The following TP53BP1 variants were observed in gnomAD, a reference collection of about 807,000 sequenced individuals.
TP53BP1 encodes tumor protein p53 binding protein 1.
In TP53BP1, 61 loss-of-function variants were observed where a neutral mutation model predicts 200.8. The observed-to-expected ratio is 0.30, with a 90% CI of 0.25 to 0.38. TP53BP1 has a LOEUF of 0.38. Among genes scored for constraint, TP53BP1 ranks in the 10% least tolerant of loss-of-function variants. The pLI is 1.00. For missense variants in TP53BP1, 2,144 were observed against 2,371.9 expected (o/e 0.90, Z 2.00); for synonymous variants, 822 against 844.3 (o/e 0.97, Z 0.46).
chr15:43,404,936 C>CT lies in TP53BP1; in HGVS notation c.*2446dup, dbSNP rs2044814666. 3.7e-6 allele frequency: 2 copies of CT among 534,404 alleles called. No homozygotes were observed. Among genetic ancestry groups the CT allele is most frequent in the Admixed American group, 3.5e-5 (1 of 28,470 alleles). 33.1% of individuals were successfully genotyped at this position (534,404 alleles called of 1,614,324 possible). A position where few individuals can be genotyped will look rare whatever the true frequency, so the allele number is the denominator to read the frequency against. ...GGCGACCACCCCTTCTAACTCTAAA[C>CT]TTTAAAAAAAACTGATACCGAGATT... On this transcript the variant is annotated 3_prime_UTR_variant, in exon 28 of 28. Coordinates refer to ENST00000382044, the MANE Select transcript of TP53BP1 (RefSeq NM_001141980.3).
chr15:43,473,071 C>T (rs995374086), intron 10 of TP53BP1, among the ~76,000 whole-genome samples: 1 of 152,022 alleles, frequency 6.6e-6, no homozygotes, highest in Non-Finnish European at 1.5e-5. Context: ...CTTAAGGCAG[C>T]GCGTCTAGAG....
chr15:43,413,238 A>G lies in TP53BP1; in HGVS notation c.5186T>C (p.Leu1729Pro). ...GTAGCCCAGAAACAAGGTCTTGTTG[A>G]GAGGCAAAGGCCCTCTCTGCTCTTC... ...ALEEQRGPLPLNKTLFLGYAF... is the reference protein window; with the variant it reads ...ALEEQRGPLPPNKTLFLGYAF... Residue 1729 changes from leucine to proline, a missense_variant, in exon 24 of 28, where the codon CTC (leucine) becomes CCC (proline). Leu to Pro is a moderately conservative substitution (Grantham distance 98, BLOSUM62 -3). Coordinates refer to ENST00000382044, the MANE Select transcript of TP53BP1 (RefSeq NM_001141980.3). 1 of 1,614,202 alleles carries G rather than the reference A, an allele frequency of 6.2e-7. No homozygotes were observed. Among genetic ancestry groups the G allele is most frequent in the East Asian group, 2.2e-5 (1 of 44,878 alleles).
intron 1 of TP53BP1, among the ~76,000 whole-genome samples, chr15:43,503,325 T>A (rs144707513): frequency 2.3e-4 from 35 of 152,346 alleles, no homozygotes; most frequent in African/African-American, 7.9e-4. Flanking sequence ...GAATTTCAGA[T>A]AAACTTATTC....
At chr15:43,489,807 G>A (rs538111981) in intron 4 of TP53BP1, among the ~76,000 whole-genome samples, 1 of 152,248 alleles carries the variant, frequency 6.6e-6, no homozygotes, top group East Asian at 1.9e-4. Context: ...AGGCCACAAT[G>A]AGCCCATCGG....
chr15:43,475,591 C>G lies in TP53BP1; in HGVS notation c.1059G>C (p.Arg353Ser). Reference sequence around the variant, plus strand: ...TGGAAAGACTGTCCTGAACAAGGGACCTCTGACCAGAGAGCTGCAGGAGAT... The same window carrying G: ...TGGAAAGACTGTCCTGAACAAGGGAGCTCTGACCAGAGAGCTGCAGGAGAT... The part of the protein sequence containing the change: ...TLHLLQLSGQ[R>S]SLVQDSLSTN... Residue 353 changes from arginine (R) to serine (S), a missense_variant, in exon 9 of 28, where the codon AGG (arginine) becomes AGC (serine). Physicochemically the swap from Arg to Ser is moderately radical, Grantham distance 110 (BLOSUM62 -1). Around this residue, in one of 4 missense-constraint regions of TP53BP1, gnomAD observed 1,700 missense variants for 1,710.3 expected, o/e 0.99. Transcript: ENST00000382044. 1 of 1,614,080 alleles carries G rather than the reference C, an allele frequency of 6.2e-7. No homozygotes were observed. Among genetic ancestry groups the G allele is most frequent in the Non-Finnish European group, 8.5e-7 (1 of 1,180,028 alleles).
At chr15:43,440,642 C>T (rs545022882) in intron 15 of TP53BP1, among the ~76,000 whole-genome samples, 2 of 152,142 alleles carry the variant, frequency 1.3e-5, no homozygotes, top group East Asian at 1.9e-4. Context: ...AATCCTAGCA[C>T]TTTGGGAAGT....
intron 1 of TP53BP1, among the ~76,000 whole-genome samples, chr15:43,505,298 T>G (rs1014804027): frequency 3.9e-5 from 6 of 152,168 alleles, no homozygotes; most frequent in African/African-American, 1.4e-4. Flanking sequence ...AAAACTAAGT[T>G]ATATAGTTAG....
intron 4 of TP53BP1, among the ~76,000 whole-genome samples, chr15:43,490,691 T>C (rs1193153582): frequency 1.3e-5 from 2 of 152,142 alleles, no homozygotes; most frequent in Non-Finnish European, 2.9e-5. Context: ...ACTGATTAGT[T>C]AGAATGAAAG....
In TP53BP1 at chr15:43,428,100, G is replaced by A. The variant is rs766362735; in HGVS notation, c.3744C>T (p.Ile1248=). 6.2e-7 allele frequency: 1 copy of A among 1,613,120 alleles called. No individual in the cohort carries two copies. Among genetic ancestry groups the A allele is most frequent in the Admixed American group, 1.7e-5 (1 of 59,990 alleles). ...GAGTGACAAGTGTGCGTACTTCCCG[G>A]ATTGTTCTCATGTGACGATGTAAGA... ...GHVLHRHMRT[I]REVRTLVTRV... Residue 1248 remains isoleucine (I), a synonymous_variant, in exon 18 of 28, where the codon ATC becomes ATT. Coordinates refer to ENST00000382044, the MANE Select transcript of TP53BP1 (RefSeq NM_001141980.3).
At chr15:43,445,163 C>T (rs968417552) in intron 14 of TP53BP1, among the ~76,000 whole-genome samples, 9 of 152,164 alleles carry the variant, frequency 5.9e-5, no homozygotes, top group African/African-American at 2.2e-4. Flanking sequence ...GTAGAGAGTA[C>T]ATTTGCAGCC....
At chr15:43,477,463 G>T in intron 8 of TP53BP1, 130 bp downstream of exon 8, 1 of 819,690 alleles carries the variant, frequency 1.2e-6, no homozygotes. Flanking sequence ...CTAGAAACAC[G>T]TTTTCCTTCC....
At chr15:43,503,183 A>C (rs886856934) in intron 1 of TP53BP1, among the ~76,000 whole-genome samples, 1 of 152,256 alleles carries the variant, frequency 6.6e-6, no homozygotes, top group Non-Finnish European at 1.5e-5. Flanking sequence ...GGGTGTGTGT[A>C]GCTATGACTC....
At chr15:43,452,277 T>C (rs1303236751) in intron 12 of TP53BP1, among the ~76,000 whole-genome samples, 2 of 152,190 alleles carry the variant, frequency 1.3e-5, no homozygotes, top group Non-Finnish European at 2.9e-5. Context: ...TAAAAACTAT[T>C]GTTCTCGGCT....
At chr15:43,458,185 A>C (rs1321792028) in intron 11 of TP53BP1, among the ~76,000 whole-genome samples, 1 of 152,136 alleles carries the variant, frequency 6.6e-6, no homozygotes, top group Non-Finnish European at 1.5e-5. Context: ...TAATCCCAGC[A>C]CTTTAGTAGG....
intron 12 of TP53BP1, among the ~76,000 whole-genome samples, chr15:43,452,023 T>C (rs964362846): frequency 2.6e-5 from 4 of 152,118 alleles, no homozygotes; most frequent in Middle Eastern, 3.4e-3. Context: ...TAATTCCAGC[T>C]ACTCAGGAGG....
intron 18 of TP53BP1, among the ~76,000 whole-genome samples, chr15:43,427,696 C>T (rs1455750281): frequency 6.6e-6 from 1 of 152,174 alleles, no homozygotes; most frequent in Non-Finnish European, 1.5e-5. Context: ...TAGCTCATGC[C>T]TGTAATCCCA....
chr15:43,431,864 G>A (rs1195731642), intron 17 of TP53BP1, among the ~76,000 whole-genome samples: 1 of 152,126 alleles, frequency 6.6e-6, no homozygotes. Flanking sequence ...TGGTTAGAAG[G>A]CAAGATAAAA....
chr15:43,449,326 AAAAAC>A (rs1452014114), intron 12 of TP53BP1, among the ~76,000 whole-genome samples: 2 of 152,210 alleles, frequency 1.3e-5, no homozygotes, highest in African/African-American at 4.8e-5. Flanking sequence ...CAGAAACTTA[AAAAAC>A]ACCTTGCAAA....
At chr15:43,422,928 A>C (rs578094343) in intron 18 of TP53BP1, among the ~76,000 whole-genome samples, 21 of 151,958 alleles carry the variant, frequency 1.4e-4, no homozygotes, top group African/African-American at 5.1e-4. Context: ...TTGGAAGTCA[A>C]GGCTGCAGTG....
Sources: allele counts gnomAD v4.1 joint callset (sites outside exome capture counted in the v4.1 genomes callset), GRCh38; gene constraint gnomAD v4.1.1; regional missense constraint gnomAD v4.1.1; transcripts MANE v1.5; gene names NCBI Gene and HGNC (gene_info 2026-07-23, HGNC 2026-07-21).